Variants in HS3ST4 observed in about 807,000 individuals in gnomAD.
HS3ST4 encodes the protein heparan sulfate glucosamine 3-O-sulfotransferase 4.
Under a neutral mutation model 29.2 loss-of-function variants are expected in HS3ST4, and 17 were observed. The observed-to-expected ratio is 0.58, with a 90% CI of 0.40 to 0.87. The LOEUF (loss-of-function observed/expected upper bound fraction) is 0.87. Ranked by LOEUF, HS3ST4 falls within the 40% of genes least tolerant of loss-of-function variation. The probability of loss-of-function intolerance (pLI) is 0.00; values close to 1 mark genes in which losing one functional copy is unlikely to be tolerated. For synonymous variants in HS3ST4, 314 were observed against 285.7 expected (o/e 1.10, Z -1.00); for missense variants, 627 against 634.5 (o/e 0.99, Z 0.13).
intron 1 of HS3ST4, among the ~76,000 whole-genome samples, chr16:26,078,179 C>T (rs12443640): frequency 6.6e-6 from 1 of 151,950 alleles, no homozygotes; most frequent in East Asian, 1.9e-4. Context: ...CTCACTGTGT[C>T]CCTCAGGCTG....
chr16:25,746,770 C>T (rs1567231889), intron 1 of HS3ST4, among the ~76,000 whole-genome samples: 1 of 152,002 alleles, frequency 6.6e-6, no homozygotes, highest in Non-Finnish European at 1.5e-5. Flanking sequence ...TCAAGCTGGT[C>T]TCAAACTCCT....
chr16:25,955,064 T>C (rs1968716184), intron 1 of HS3ST4, among the ~76,000 whole-genome samples: 1 of 152,196 alleles, frequency 6.6e-6, no homozygotes, highest in Non-Finnish European at 1.5e-5. Flanking sequence ...GGTGGTCCCA[T>C]GCAGGGTGTT....
intron 1 of HS3ST4, among the ~76,000 whole-genome samples, chr16:25,724,654 G>A (rs1437312971): frequency 2.0e-5 from 3 of 151,958 alleles, no homozygotes; most frequent in East Asian, 1.9e-4. Context: ...GAGCCACTGC[G>A]CTCGGCCCCC....
At chr16:26,126,683 G>A (rs938670791) in intron 1 of HS3ST4, among the ~76,000 whole-genome samples, 1 of 152,158 alleles carries the variant, frequency 6.6e-6, no homozygotes, top group Non-Finnish European at 1.5e-5. Flanking sequence ...GGGGGATGTG[G>A]CAGTGTCTGC....
In HS3ST4 at chr16:26,003,790, G is replaced by A. The variant is rs1422639598; in HGVS notation, c.735-131822G>A. Among the ~76,000 whole-genome samples, 6 of 152,114 alleles carry A rather than the reference G, an allele frequency of 3.9e-5. No individual in the cohort carries two copies. In the East Asian group the frequency reaches 9.6e-4, roughly 24 times the overall value. On this transcript the variant is annotated intron_variant, in intron 1 of 1. Coordinates refer to ENST00000331351, the MANE Select transcript of HS3ST4 (RefSeq NM_006040.3). ...GCATGGCACTTTGAGAAGGTGGGCT[G>A]GAGTCGGGGAAGTAGGAATTTCTTG...
intron 1 of HS3ST4, among the ~76,000 whole-genome samples, chr16:25,873,536 A>G (rs201943028): frequency 3.8e-5 from 5 of 131,746 alleles, no homozygotes; most frequent in Non-Finnish European, 6.5e-5. Context: ...CTATCTATCT[A>G]TCTTTCTCTA....
chr16:26,078,323 AT>A (rs992504886), intron 1 of HS3ST4, among the ~76,000 whole-genome samples: 12 of 151,942 alleles, frequency 7.9e-5, no homozygotes, highest in African/African-American at 2.7e-4. Flanking sequence ...TTGTGTGTGT[AT>A]TTTTTAGTAG....
At chr16:25,821,872 A>G (rs1349369118) in intron 1 of HS3ST4, among the ~76,000 whole-genome samples, 1 of 151,922 alleles carries the variant, frequency 6.6e-6, no homozygotes. Context: ...TCGTGCCACT[A>G]CCCTCTAGCC....
intron 1 of HS3ST4, among the ~76,000 whole-genome samples, chr16:25,956,138 G>C (rs144191548): frequency 6.6e-6 from 1 of 152,156 alleles, no homozygotes; most frequent in South Asian, 2.1e-4. Context: ...TTAAAGGTAT[G>C]TAGAGAAAAG....
At chr16:25,697,897 G>A (rs774722212) in intron 1 of HS3ST4, among the ~76,000 whole-genome samples, 36 of 151,960 alleles carry the variant, frequency 2.4e-4, no homozygotes, top group African/African-American at 4.1e-4. Flanking sequence ...GGTCTCGATC[G>A]CTTGACTTTG....
chr16:26,024,719 C>T (rs138093797), intron 1 of HS3ST4, among the ~76,000 whole-genome samples: 11 of 152,248 alleles, frequency 7.2e-5, no homozygotes, highest in African/African-American at 2.6e-4. Context: ...GCGACAAAAG[C>T]AAGACTCCAT....
intron 1 of HS3ST4, among the ~76,000 whole-genome samples, chr16:26,077,942 G>A (rs1316765930): frequency 6.6e-6 from 1 of 152,144 alleles, no homozygotes; most frequent in African/African-American, 2.4e-5. Context: ...AGGCTTGGCG[G>A]TACACACCTG....
intron 1 of HS3ST4, among the ~76,000 whole-genome samples, chr16:25,796,365 G>C (rs1043931472): frequency 6.6e-6 from 1 of 152,150 alleles, no homozygotes; most frequent in Non-Finnish European, 1.5e-5. Context: ...TTTTCAAACA[G>C]ATGAATTTTG....
intron 1 of HS3ST4, among the ~76,000 whole-genome samples, chr16:25,907,405 C>T (rs535223985): frequency 1.3e-5 from 2 of 152,138 alleles, no homozygotes; most frequent in Admixed American, 1.3e-4. Context: ...GACGTGTTAC[C>T]TTTTTTTCCA....
intron 1 of HS3ST4, among the ~76,000 whole-genome samples, chr16:25,840,676 C>T (rs1967402854): frequency 6.6e-6 from 1 of 152,098 alleles, no homozygotes; most frequent in South Asian, 2.1e-4. Context: ...GTTTTGAGCA[C>T]TGTAAAGAAA....
At chr16:26,000,091 G>A (rs1344615222) in intron 1 of HS3ST4, among the ~76,000 whole-genome samples, 1 of 151,626 alleles carries the variant, frequency 6.6e-6, no homozygotes, top group East Asian at 1.9e-4. Context: ...ACACAGATCA[G>A]TATAAAAGAG....
chr16:25,859,129 G>A (rs1967612516), intron 1 of HS3ST4, among the ~76,000 whole-genome samples: 1 of 152,036 alleles, frequency 6.6e-6, no homozygotes, highest in Non-Finnish European at 1.5e-5. Context: ...GCAGACACTT[G>A]TTCTAAAAAT....
At chr16:25,978,350 T>C (rs181891817) in intron 1 of HS3ST4, among the ~76,000 whole-genome samples, 1 of 152,358 alleles carries the variant, frequency 6.6e-6, no homozygotes, top group Non-Finnish European at 1.5e-5. Flanking sequence ...AACATTTTAG[T>C]CTTGGCAGGC....
intron 1 of HS3ST4, among the ~76,000 whole-genome samples, chr16:25,870,115 CTTCA>C (rs1010239849): frequency 6.6e-6 from 1 of 151,940 alleles, no homozygotes; most frequent in African/African-American, 2.4e-5. Flanking sequence ...TCTATCCACC[CTTCA>C]TTCATCCACC....
Sources: allele counts gnomAD v4.1 joint callset (sites outside exome capture counted in the v4.1 genomes callset), GRCh38; gene constraint gnomAD v4.1.1; transcripts MANE v1.5; gene names NCBI Gene and HGNC (gene_info 2026-07-23, HGNC 2026-07-21).